DLG2: variants seen among roughly 807,000 people sequenced by gnomAD.
DLG2 encodes the protein discs large MAGUK scaffold protein 2.
DLG2 carries 45 observed loss-of-function variants against 132.5 expected under a neutral mutation model. The ratio of observed to expected loss-of-function variants is 0.34; its 90% CI spans 0.27 to 0.44. The LOEUF (loss-of-function observed/expected upper bound fraction) is 0.44, where lower values mean the gene tolerates loss of function less well. Ranked by LOEUF, DLG2 falls within the 20% of genes least tolerant of loss-of-function variation. The probability of loss-of-function intolerance (pLI) is 1.00; values close to 1 mark genes in which losing one functional copy is unlikely to be tolerated. For missense variants in DLG2, 1,045 were observed against 1,196.9 expected (o/e 0.87, Z 1.87); for synonymous variants, 424 against 419.6 (o/e 1.01, Z -0.13).
At chr11:85,464,009 C>CACACACACACAT (rs1294152808) in intron 3 of DLG2, among the ~76,000 whole-genome samples, 18 of 150,532 alleles carry the variant, frequency 1.2e-4, no homozygotes, top group African/African-American at 4.4e-4. Flanking sequence ...CACACATACA[C>CACACACACACAT]ACACACACAC....
At chr11:85,012,478 C>A (rs1358486993) in intron 6 of DLG2, among the ~76,000 whole-genome samples, 1 of 151,580 alleles carries the variant, frequency 6.6e-6, no homozygotes, top group Non-Finnish European at 1.5e-5. Flanking sequence ...GAGCTGAGAT[C>A]GCGCCATTGC....
intron 8 of DLG2, among the ~76,000 whole-genome samples, chr11:84,190,442 T>A (rs1263455651): frequency 6.6e-6 from 1 of 152,154 alleles, no homozygotes; most frequent in African/African-American, 2.4e-5. Flanking sequence ...CATTACTGGG[T>A]CTTTTTCCCC....
At chr11:84,255,496 G>C (rs1598448376) in intron 7 of DLG2, among the ~76,000 whole-genome samples, 1 of 152,010 alleles carries the variant, frequency 6.6e-6, no homozygotes, top group Non-Finnish European at 1.5e-5. Context: ...GCTAATTTTT[G>C]TATTTTTAGT....
intron 14 of DLG2, among the ~76,000 whole-genome samples, chr11:83,957,113 T>C (rs139148840): frequency 1.2e-3 from 183 of 152,360 alleles, no homozygotes; most frequent in Admixed American, 0.011. Flanking sequence ...TATGTGTTTT[T>C]ATGCTTGGGC....
At chr11:84,018,089 G>T (rs932358484) in intron 11 of DLG2, among the ~76,000 whole-genome samples, 2 of 151,780 alleles carry the variant, frequency 1.3e-5, no homozygotes, top group Non-Finnish European at 2.9e-5. Flanking sequence ...TAACGTTTTT[G>T]ATTAAACTTG....
chr11:84,517,918 T>C (rs1459279144), intron 7 of DLG2, among the ~76,000 whole-genome samples: 1 of 152,104 alleles, frequency 6.6e-6, no homozygotes, highest in South Asian at 2.1e-4. Context: ...AAATATAGCA[T>C]GATCTTACTC....
intron 3 of DLG2, among the ~76,000 whole-genome samples, chr11:85,542,991 C>CT (rs1057206068): frequency 6.6e-6 from 1 of 151,798 alleles, no homozygotes; most frequent in Non-Finnish European, 1.5e-5. Context: ...AATTGATTCT[C>CT]TTTTTTTTAA....
intron 18 of DLG2, among the ~76,000 whole-genome samples, chr11:83,662,624 T>A (rs2153551258): frequency 6.6e-6 from 1 of 152,348 alleles, no homozygotes; most frequent in Non-Finnish European, 1.5e-5. Flanking sequence ...ATCCCTGTAC[T>A]CTCAGAACTG....
chr11:83,785,265 A>C (rs1055652570), intron 18 of DLG2, among the ~76,000 whole-genome samples: 3 of 152,110 alleles, frequency 2.0e-5, no homozygotes, highest in African/African-American at 7.2e-5. Context: ...CGTGTTAGCC[A>C]GGATGGTCTC....
At chr11:85,444,153 A>C (rs889296042) in intron 3 of DLG2, among the ~76,000 whole-genome samples, 2 of 152,174 alleles carry the variant, frequency 1.3e-5, no homozygotes, top group African/African-American at 4.8e-5. Flanking sequence ...ACAGTGGAAA[A>C]TTTTAACTCC....
chr11:84,886,966 G>C (rs1389434237), intron 6 of DLG2, among the ~76,000 whole-genome samples: 4 of 152,084 alleles, frequency 2.6e-5, no homozygotes, highest in African/African-American at 9.7e-5. Flanking sequence ...TTCTCATTCA[G>C]ATTCTAATTA....
chr11:84,715,329 A>G (rs549451986), intron 6 of DLG2, among the ~76,000 whole-genome samples: 2 of 152,230 alleles, frequency 1.3e-5, no homozygotes, highest in East Asian at 1.9e-4. Flanking sequence ...CTACAGCCAA[A>G]CTAATTAACA....
intron 19 of DLG2, among the ~76,000 whole-genome samples, chr11:83,616,050 T>C (rs1393396832): frequency 1.3e-5 from 2 of 152,192 alleles, no homozygotes; most frequent in African/African-American, 4.8e-5. Context: ...GTACTTAATA[T>C]AATATTTGCA....
chr11:84,672,922 T>A (rs564659124), intron 6 of DLG2, among the ~76,000 whole-genome samples: 2 of 152,106 alleles, frequency 1.3e-5, no homozygotes, highest in African/African-American at 2.4e-5. Context: ...CTTTTACTCA[T>A]GGCAGAAAGC....
At chr11:84,358,428 ACCGATTT>A (rs2098630712) in intron 7 of DLG2, among the ~76,000 whole-genome samples, 1 of 150,792 alleles carries the variant, frequency 6.6e-6, no homozygotes. Flanking sequence ...GGTATATGAA[ACCGATTT>A]CCATGCCTTC....
chr11:85,171,136 G>A (rs142157188), intron 4 of DLG2, among the ~76,000 whole-genome samples: 1 of 152,264 alleles, frequency 6.6e-6, no homozygotes, highest in East Asian at 1.9e-4. Flanking sequence ...TAGCCAATTA[G>A]AAGCAGCTGC....
At position 84,436,419 on chromosome 11, in the gene DLG2, T is replaced by C. The variant is rs2099000922; in HGVS notation, c.519+98151A>G. ...TCTTTCTAGGTGAGAGAAAACACTG[T>C]GCCACAGGCCAGGAGAGCCATCTCT... On this transcript the variant is annotated intron_variant, in intron 7 of 27. Transcript: ENST00000376104. Among the ~76,000 whole-genome samples the C allele has an allele frequency of 2.0e-5, 3 of 152,180 alleles. 1 individual carries two copies. The highest frequency in any genetic ancestry group is 7.2e-5 in the African/African-American group (3 of 41,448).
intron 7 of DLG2, among the ~76,000 whole-genome samples, chr11:84,511,377 G>A (rs2099256597): frequency 6.6e-6 from 1 of 152,080 alleles, no homozygotes; most frequent in Non-Finnish European, 1.5e-5. Context: ...TAATTCAGTT[G>A]AAATGGCAAC....
intron 6 of DLG2, among the ~76,000 whole-genome samples, chr11:84,883,147 A>G (rs1441312296): frequency 2.0e-5 from 3 of 152,176 alleles, no homozygotes; most frequent in Non-Finnish European, 4.4e-5. Flanking sequence ...GGATGAGTTC[A>G]TGTCCTTTGC....
Sources: allele counts gnomAD v4.1 joint callset (sites outside exome capture counted in the v4.1 genomes callset), GRCh38; gene constraint gnomAD v4.1.1; transcripts MANE v1.5; gene names NCBI Gene and HGNC (gene_info 2026-07-23, HGNC 2026-07-21).